The following AFAP1L1 variants were observed in gnomAD, a reference collection of about 807,000 sequenced individuals.
AFAP1L1 encodes actin filament associated protein 1 like 1.
A neutral mutation model predicts 99.8 loss-of-function variants in AFAP1L1; 77 were observed. That is an observed-to-expected ratio of 0.77 (90% CI 0.64 to 0.93). The LOEUF (loss-of-function observed/expected upper bound fraction) is 0.93, where lower values mean the gene tolerates loss of function less well. Among genes scored for constraint, AFAP1L1 ranks in the 40% least tolerant of loss-of-function variants. The pLI is 0.00. For missense variants in AFAP1L1, 893 were observed against 996.8 expected, an observed-to-expected ratio of 0.90 and a Z score of 1.40; for synonymous variants, 373 against 395.3, an observed-to-expected ratio of 0.94 and a Z score of 0.67.
At chr5:149,273,986 G>A (rs1755226269) in intron 1 of AFAP1L1, among the ~76,000 whole-genome samples, 1 of 152,164 alleles carries the variant, frequency 6.6e-6, no homozygotes, top group African/African-American at 2.4e-5. Context: ...TCAGAAGGCT[G>A]CCTCCAGAGC....
Position 149,322,618 on chromosome 5 carries a change from G to A in AFAP1L1, c.1711G>A (p.Glu571Lys), listed in dbSNP as rs368895712. The A allele has an allele frequency of 2.3e-4, 368 of 1,578,150 alleles. 3 individuals are homozygous for A. In the South Asian group the frequency reaches 3.8e-3, roughly 16 times the overall value. Residue 571 changes from glutamate (E) to lysine (K), a missense_variant, in exon 15 of 19, where the codon GAG becomes AAG. Transcript: ENST00000296721. ...CATCTCCCACCAGGACGAGGAGCCC[G>A]AGCGCCCCACAGGGGCCCAGGTGAA... Reference protein sequence around the residue: ...PYEKMQDEEPERPTGAQVKRH... With the variant: ...PYEKMQDEEPKRPTGAQVKRH...
intron 9 of AFAP1L1, among the ~76,000 whole-genome samples, chr5:149,314,042 A>G (rs554237593): frequency 7.5e-4 from 114 of 152,276 alleles, no homozygotes; most frequent in African/African-American, 2.7e-3. Flanking sequence ...GGCAAGAAGG[A>G]TGAGGGAAGA....
intron 17 of AFAP1L1, among the ~76,000 whole-genome samples, chr5:149,334,855 G>A (rs1325851189): frequency 6.6e-6 from 1 of 151,960 alleles, no homozygotes; most frequent in Non-Finnish European, 1.5e-5. Flanking sequence ...CTCCAGCCTT[G>A]GCAAGAGAGC....
chr5:149,335,468 ACAGAGACTCTGTCT>A, intron 17 of AFAP1L1, 112 bp from the exon 18 acceptor site: 1 of 1,292,128 alleles, frequency 7.7e-7, no homozygotes, highest in Non-Finnish European at 1.0e-6. Flanking sequence ...CGCCTGGGTG[ACAGAGACTCTGTCT>A]CAAAAATAAA....
At chr5:149,291,406 A>G (rs1015889625) in intron 1 of AFAP1L1, among the ~76,000 whole-genome samples, 2 of 151,198 alleles carry the variant, frequency 1.3e-5, no homozygotes, top group Admixed American at 1.3e-4. Context: ...GCACACCTGT[A>G]GTCCCAGCTA....
intron 9 of AFAP1L1, 98 bp from the exon 10 acceptor site, chr5:149,315,723 T>C: frequency 3.2e-6 from 3 of 938,374 alleles, no homozygotes. Flanking sequence ...CTAATTATCA[T>C]GTGCTGGGGG....
rs1561680467 is a variant in AFAP1L1 at position 149,320,418 on chromosome 5, G to A, written c.1653G>A (p.Trp551Ter). The change falls in exon 14 of 19, where the codon TGG (tryptophan) becomes TGA (stop). Residue 551 changes from tryptophan to a stop codon, truncating the protein, a stop_gained. Coordinates refer to ENST00000296721, the MANE Select transcript of AFAP1L1 (RefSeq NM_152406.4). LOFTEE classifies it high-confidence loss of function. The surrounding 1 kb of genome is among the most constrained non-coding windows in gnomAD (Gnocchi z 4.0). ...FLYARSCQNQWPEPRVYDDVP... is the reference protein window; with the variant it reads ...FLYARSCQNQ ...ATGCAAGATCCTGCCAGAATCAGTGGCCTGAGCCCCGAGTCTATGATGATG... is the reference window on the plus strand; with the variant it reads ...ATGCAAGATCCTGCCAGAATCAGTGACCTGAGCCCCGAGTCTATGATGATG... 5 of 1,614,210 alleles carry A rather than the reference G, an allele frequency of 3.1e-6. No homozygotes were observed. Among genetic ancestry groups the A allele is most frequent in the Non-Finnish European group, 4.2e-6 (5 of 1,180,042 alleles).
In AFAP1L1 at chr5:149,297,372, A is replaced by C. The variant is rs573546380; in HGVS notation, c.17-2137A>C. On this transcript the variant is annotated intron_variant, in intron 1 of 18. Transcript: ENST00000296721. The stretch of plus-strand genomic sequence containing the variant: ...TCCCTAGGGATCACACAGACTTAGA[A>C]TCAGTCTGGCTCTACCTCTCAAGCT... Among the ~76,000 whole-genome samples, 20 of 152,062 alleles carry C rather than the reference A, an allele frequency of 1.3e-4. No homozygotes were observed. In the South Asian group the frequency reaches 2.5e-3, roughly 19 times the overall value.
At chr5:149,327,035 AC>A (rs1757116651) in intron 15 of AFAP1L1, among the ~76,000 whole-genome samples, 1 of 152,250 alleles carries the variant, frequency 6.6e-6, no homozygotes, top group African/African-American at 2.4e-5. Flanking sequence ...CCAGTTTTCA[AC>A]AAAAATTTAT....
In AFAP1L1 at chr5:149,315,891, G is replaced by A; in HGVS notation, c.1091G>A (p.Gly364Asp). 1 of 1,614,154 alleles carries A rather than the reference G, an allele frequency of 6.2e-7. No individual in the cohort carries two copies. The highest frequency in any genetic ancestry group is 2.2e-5 in the East Asian group (1 of 44,864). ...VGVGDNCSTLGRRETCDHGKG... is the reference protein window; with the variant it reads ...VGVGDNCSTLDRRETCDHGKG... ...GTGGGTGACAACTGTTCTACCCTTGGCCGCCGGGAGACCTGTGATCACGGT... is the reference window on the plus strand; with the variant it reads ...GTGGGTGACAACTGTTCTACCCTTGACCGCCGGGAGACCTGTGATCACGGT... The change falls in exon 10 of 19, where the codon GGC becomes GAC. Residue 364 changes from glycine (G) to aspartate (D), a missense_variant. By Grantham distance (94) the Gly-to-Asp change is moderately conservative. Transcript: ENST00000296721.
chr5:149,334,039 T>C (rs1184148652), intron 17 of AFAP1L1, among the ~76,000 whole-genome samples: 1 of 152,164 alleles, frequency 6.6e-6, no homozygotes. Flanking sequence ...TACAGAAAAA[T>C]AGTAGGAGTA....
Position 149,312,204 on chromosome 5 carries a change from G to T in AFAP1L1, c.1020G>T (p.Lys340Asn). Residue 340 changes from lysine (K) to asparagine (N), a missense_variant and splice_region_variant, in exon 9 of 19, where the codon AAG (lysine) becomes AAT (asparagine). By Grantham distance (94) the Lys-to-Asn change is moderately conservative (BLOSUM62 0). Transcript: ENST00000296721. Reference protein sequence around the residue: ...PVLLCKLDLDKRLSQEKQTSD... With the variant: ...PVLLCKLDLDNRLSQEKQTSD... ...TCCTGTGCAAGTTGGACCTGGACAA[G>T]GTATATCTGTCTCCACTAAGTCTTC... 8 of 1,614,062 alleles carry T rather than the reference G, an allele frequency of 5.0e-6. No individual in the cohort carries two copies. Among genetic ancestry groups the T allele is most frequent in the Non-Finnish European group, 6.8e-6 (8 of 1,179,934 alleles).
In AFAP1L1 at chr5:149,322,614, G is replaced by A. The variant is rs1394193555; in HGVS notation, c.1707G>A (p.Glu569=). 6.4e-7 allele frequency: 1 copy of A among 1,574,716 alleles called. No individual in the cohort carries two copies. The highest frequency in any genetic ancestry group is 1.8e-5 in the Admixed American group (1 of 54,580). Residue 569 remains glutamate, a synonymous_variant, in exon 15 of 19, where the codon GAG becomes GAA. Coordinates refer to ENST00000296721, the MANE Select transcript of AFAP1L1 (RefSeq NM_152406.4). ...DVPYEKMQDE[E]PERPTGAQVK... ...CCTCCATCTCCCACCAGGACGAGGA[G>A]CCCGAGCGCCCCACAGGGGCCCAGG...
chr5:149,302,602 GTGGGAGC>G, intron 5 of AFAP1L1, 76 bp downstream of exon 5: 3 of 1,298,054 alleles, frequency 2.3e-6, no homozygotes, highest in Non-Finnish European at 3.2e-6. Context: ...TCTGTGTCCT[GTGGGAGC>G]TGGAACTGCA....
chr5:149,272,827 C>T (rs1755173010), intron 1 of AFAP1L1, among the ~76,000 whole-genome samples: 1 of 152,044 alleles, frequency 6.6e-6, no homozygotes, highest in Non-Finnish European at 1.5e-5. Context: ...CTCAGCCTCC[C>T]GAATAGCTGG....
Position 149,335,664 on chromosome 5 carries a change from G to A in AFAP1L1, c.2225G>A (p.Arg742Lys), listed in dbSNP as rs1447013460. Residue 742 changes from arginine to lysine, a missense_variant, in exon 18 of 19, where the codon AGG becomes AAG. Arg to Lys is a conservative substitution (Grantham distance 26). Coordinates refer to ENST00000296721, the MANE Select transcript of AFAP1L1 (RefSeq NM_152406.4). ...PLPVNCVSEL[R>K]KRSPSIVASN... ...CCTGTCAACTGTGTTTCTGAGCTGA[G>A]GAAGAGGAGCCCATCCATCGTAGCC... The A allele has an allele frequency of 9.9e-6, 16 of 1,613,620 alleles. No homozygotes were observed. The Admixed American group carries it at 1.0e-4, about 10-fold the overall frequency.
In AFAP1L1 at chr5:149,280,296, G is replaced by C. The variant is rs182767578; in HGVS notation, c.16+8312G>C. Among the ~76,000 whole-genome samples the C allele has an allele frequency of 2.0e-5, 3 of 152,154 alleles. No homozygotes were observed. The South Asian group carries it at 6.2e-4, about 32-fold the overall frequency. On this transcript the variant is annotated intron_variant, in intron 1 of 18. Transcript: ENST00000296721. ...GATGGCTTCTGTATCCTGTTGCCTC[G>C]GATAGGAGCTTCCTGTTTCTGCTCT...
intron 6 of AFAP1L1, among the ~76,000 whole-genome samples, chr5:149,306,886 C>A (rs1756431174): frequency 6.6e-6 from 1 of 152,120 alleles, no homozygotes; most frequent in South Asian, 2.1e-4. Context: ...GATGAGGACA[C>A]TGAAGCTCTG....
rs559839044 is a variant in AFAP1L1 at position 149,311,039 on chromosome 5, G to A, written c.927+904G>A. Among the ~76,000 whole-genome samples, 217 of 152,270 alleles carry A rather than the reference G, an allele frequency of 1.4e-3. 1 individual carries two copies. The highest frequency in any genetic ancestry group is 6.8e-3 in the Middle Eastern group (2 of 294). On this transcript the variant is annotated intron_variant, in intron 8 of 18. Transcript: ENST00000296721. ...GTGGTAACTGTCAGTAACTACTGTT[G>A]TGATGACTGCGATGCCCCACCCCCC... is the stretch of plus-strand genomic sequence containing the variant.
Sources: allele counts gnomAD v4.1 joint callset (sites outside exome capture counted in the v4.1 genomes callset), GRCh38; gene constraint gnomAD v4.1.1; non-coding constraint Gnocchi (gnomAD v3.1); transcripts MANE v1.5; gene names NCBI Gene and HGNC (gene_info 2026-07-23, HGNC 2026-07-21).